UTP4: variants seen among roughly 807,000 people sequenced by gnomAD.
The protein encoded by UTP4 is U3 small nucleolar RNA-associated protein 4 homolog.
UTP4 carries 45 observed loss-of-function variants against 82.4 expected under a neutral mutation model. The ratio of observed to expected loss-of-function variants is 0.55; its 90% confidence interval spans 0.43 to 0.70. The LOEUF (loss-of-function observed/expected upper bound fraction) is 0.70. UTP4 is among the 30% of genes least tolerant of loss of function. The probability of loss-of-function intolerance (pLI) is 0.00; values close to 1 mark genes in which losing one functional copy is unlikely to be tolerated. For missense variants in UTP4, 819 were observed against 858.3 expected (o/e 0.95, Z 0.57); for synonymous variants, 348 against 300.3 (o/e 1.16, Z -1.64).
At chr16:69,153,202 G>T (rs962289711) in intron 8 of UTP4, among the ~76,000 whole-genome samples, 1 of 152,038 alleles carries the variant, frequency 6.6e-6, no homozygotes. Flanking sequence ...TGCCTCCTTC[G>T]CCTGACTGGT....
In UTP4 at chr16:69,165,419, T is replaced by C. The variant is rs770882071; in HGVS notation, c.1726T>C (p.Trp576Arg). 7 of 1,613,988 alleles carry C rather than the reference T, an allele frequency of 4.3e-6. No homozygotes were observed. The Admixed American group carries it at 8.3e-5, about 19-fold the overall frequency. Residue 576 changes from tryptophan (W) to arginine (R), a missense_variant, in exon 15 of 17, where the codon TGG becomes CGG. Physicochemically the swap from Trp to Arg is moderately radical, Grantham distance 101 (BLOSUM62 -3). Coordinates refer to ENST00000314423, the MANE Select transcript of UTP4 (RefSeq NM_032830.3). ...CCAGAAGCAGGGCTTTCACCACCTT[T>C]GGCTCCAAAGGGATACTCCTATCAC... The part of the protein sequence containing the change: ...TVQKQGFHHL[W>R]LQRDTPITHI...
chr16:69,166,026 C>T (rs951924905), intron 15 of UTP4: 2 of 181,476 alleles, frequency 1.1e-5, no homozygotes, highest in South Asian at 1.2e-4. Flanking sequence ...TTAACATCTT[C>T]GAAAAACCCA....
Position 69,150,573 on chromosome 16 carries a change from ACAGTCTTCCAT to A in UTP4, c.776_786del (p.Thr259IlefsTer9). On this transcript the variant is annotated frameshift_variant, in exon 7 of 17. Transcript: ENST00000314423. LOFTEE classifies it high-confidence loss of function. The stretch of plus-strand genomic sequence containing the variant: ...TTTCGTGGTGGGCACAGCCGAGGGA[ACAGTCTTCCAT>A]TTTCAGCTGGTCCCTGTGACATCTA... 1.9e-6 allele frequency: 3 copies of A among 1,614,216 alleles called. No homozygotes were observed. Among genetic ancestry groups the A allele is most frequent in the African/African-American group, 1.3e-5 (1 of 75,062 alleles).
intron 13 of UTP4, 117 bp from the exon 14 acceptor site, chr16:69,162,966 C>G (rs975164598): frequency 2.3e-6 from 2 of 852,986 alleles, no homozygotes; most frequent in African/African-American, 1.7e-5. Flanking sequence ...TGGAACTTCC[C>G]TAGAACCCTT....
intron 15 of UTP4, chr16:69,165,763 T>C (rs1476092373): frequency 6.6e-6 from 4 of 602,922 alleles, no homozygotes; most frequent in Admixed American, 5.8e-5. Flanking sequence ...GTATACTGGC[T>C]TTTGCTGATT....
intron 8 of UTP4, among the ~76,000 whole-genome samples, chr16:69,151,282 C>A (rs996529181): frequency 4.6e-5 from 7 of 151,580 alleles, no homozygotes; most frequent in Non-Finnish European, 8.8e-5. Flanking sequence ...GCTGGTATTA[C>A]AAGTGTGAGC....
Position 69,164,913 on chromosome 16 carries a change from G to A in UTP4, c.1648-428G>A, listed in dbSNP as rs535255273. 2.7e-4 allele frequency among the ~76,000 whole-genome samples: 41 copies of A among 151,904 alleles called. 1 individual carries two copies. Among genetic ancestry groups the A allele is most frequent in the Non-Finnish European group, 2.5e-4 (17 of 67,966 alleles). On this transcript the variant is annotated intron_variant, in intron 14 of 16. Transcript: ENST00000314423. ...GTGCATAAAATAGCTCTGAAAAGATGGGCAGGGCGCGGTGGCTCACGCCTG... is the reference window on the plus strand; with the variant it reads ...GTGCATAAAATAGCTCTGAAAAGATAGGCAGGGCGCGGTGGCTCACGCCTG...
chr16:69,142,068 T>C (rs927481869), intron 5 of UTP4: 3 of 150,008 alleles, frequency 2.0e-5, no homozygotes, highest in Non-Finnish European at 4.4e-5. Context: ...TTCCCTGTTA[T>C]TCATTTATTT....
chr16:69,146,461 A>G (rs1336933043), intron 6 of UTP4, among the ~76,000 whole-genome samples: 1 of 152,320 alleles, frequency 6.6e-6, no homozygotes, highest in African/African-American at 2.4e-5. Flanking sequence ...CATTATCAGT[A>G]TTTCATTCCT....
At chr16:69,162,732 A>C (rs1363435815) in intron 13 of UTP4, among the ~76,000 whole-genome samples, 2 of 149,274 alleles carry the variant, frequency 1.3e-5, no homozygotes, top group Admixed American at 6.7e-5. Context: ...AAAAAGAAAA[A>C]CAAAAAATTA....
chr16:69,133,659 T>C (rs756790633), intron 2 of UTP4, 41 bp downstream of exon 2: 1 of 1,600,558 alleles, frequency 6.2e-7, no homozygotes, highest in Non-Finnish European at 8.6e-7. Flanking sequence ...TTGATGTTAA[T>C]TTCTTCTGAA....
At position 69,150,566 on chromosome 16, in the gene UTP4, C is replaced by T. The variant is rs755447937; in HGVS notation, c.768C>T (p.Ala256=). 2.2e-5 allele frequency: 36 copies of T among 1,614,088 alleles called. No individual in the cohort carries two copies. The highest frequency in any genetic ancestry group is 9.9e-5 in the South Asian group (9 of 91,092). The change falls in exon 7 of 17, where the codon GCC becomes GCT. Residue 256 remains alanine (A), a synonymous_variant. Coordinates refer to ENST00000314423, the MANE Select transcript of UTP4 (RefSeq NM_032830.3). ...DQEDSFVVGT[A]EGTVFHFQLV... Reference sequence around the variant, plus strand: ...AAGACAGTTTCGTGGTGGGCACAGCCGAGGGAACAGTCTTCCATTTTCAGC... The same window carrying T: ...AAGACAGTTTCGTGGTGGGCACAGCTGAGGGAACAGTCTTCCATTTTCAGC...
At chr16:69,153,460 A>G (rs557458989) in intron 8 of UTP4, 124 bp from the exon 9 acceptor site, 7 of 737,226 alleles carry the variant, frequency 9.5e-6, no homozygotes, top group South Asian at 8.9e-5. Context: ...AGTACTTAGG[A>G]AATATTTATC....
chr16:69,142,619 G>A (rs1270478000), intron 5 of UTP4, among the ~76,000 whole-genome samples: 1 of 152,098 alleles, frequency 6.6e-6, no homozygotes, highest in Non-Finnish European at 1.5e-5. Flanking sequence ...GTGGCTTCTT[G>A]GCTTTCCTCT....
At chr16:69,150,083 G>A (rs912434032) in intron 6 of UTP4, among the ~76,000 whole-genome samples, 3 of 152,112 alleles carry the variant, frequency 2.0e-5, no homozygotes, top group Non-Finnish European at 4.4e-5. Flanking sequence ...ACCTGTTCTA[G>A]TTCCAAATAA....
At chr16:69,159,424 G>A (rs777883764) in intron 12 of UTP4, among the ~76,000 whole-genome samples, 9 of 152,172 alleles carry the variant, frequency 5.9e-5, no homozygotes, top group Non-Finnish European at 8.8e-5. Context: ...GCCGGGCACA[G>A]TGGCTCACAC....
At chr16:69,151,286 T>A (rs1200006112) in intron 8 of UTP4, among the ~76,000 whole-genome samples, 1 of 148,660 alleles carries the variant, frequency 6.7e-6, no homozygotes, top group Non-Finnish European at 1.5e-5. Flanking sequence ...GTATTACAAG[T>A]GTGAGCCACC....
Position 69,143,078 on chromosome 16 carries a change from A to C in UTP4, c.527-100A>C, listed in dbSNP as rs1963007505. ...TCACTTCGTTGCCTAGGCTGGCCTT[A>C]AACTCCAGGGCTCAAGCAGTCCTTC... On this transcript the variant is annotated intron_variant, in intron 5 of 16. Coordinates refer to ENST00000314423, the MANE Select transcript of UTP4 (RefSeq NM_032830.3). 9.3e-6 allele frequency: 12 copies of C among 1,291,650 alleles called. 1 individual carries two copies. In the South Asian group the frequency reaches 1.4e-4, roughly 15 times the overall value. 80.0% of individuals were successfully genotyped at this position (1,291,650 alleles called of 1,614,324 possible).
At chr16:69,163,880 G>GTTTTTTTTTTTT (rs201368311) in intron 14 of UTP4, among the ~76,000 whole-genome samples, 1 of 132,600 alleles carries the variant, frequency 7.5e-6, no homozygotes, top group African/African-American at 2.9e-5. Context: ...TTGATGGTCA[G>GTTTTTTTTTTTT]TTTGTTTTTT....
Sources: allele counts gnomAD v4.1 joint callset (sites outside exome capture counted in the v4.1 genomes callset), GRCh38; gene constraint gnomAD v4.1.1; transcripts MANE v1.5; gene names NCBI Gene and HGNC (gene_info 2026-07-23, HGNC 2026-07-21).